Variants in CRB1 observed in about 807,000 individuals in gnomAD.
CRB1 encodes crumbs cell polarity complex component 1.
A neutral mutation model predicts 120.0 loss-of-function variants in CRB1; 83 were observed. The ratio of observed to expected loss-of-function variants is 0.69; its 90% CI spans 0.58 to 0.83. The LOEUF (loss-of-function observed/expected upper bound fraction) is 0.83, where lower values mean the gene tolerates loss of function less well. CRB1 is among the 40% of genes least tolerant of loss of function. The pLI is 0.00. For synonymous variants in CRB1, 625 were observed against 612.5 expected, an observed-to-expected ratio of 1.02 and a Z score of -0.30; for missense variants, 1,699 against 1,687.6, an observed-to-expected ratio of 1.01 and a Z score of -0.12.
At chr1:197,468,948 A>C (rs1011447325) in intron 11 of CRB1, among the ~76,000 whole-genome samples, 1 of 152,224 alleles carries the variant, frequency 6.6e-6, no homozygotes, top group African/African-American at 2.4e-5. Context: ...TTCCTGTTTG[A>C]AAAGTGGCAG....
intron 5 of CRB1, among the ~76,000 whole-genome samples, chr1:197,381,587 A>G (rs1369627673): frequency 6.6e-6 from 1 of 152,216 alleles, no homozygotes; most frequent in Non-Finnish European, 1.5e-5. Flanking sequence ...CTTTGTAGTA[A>G]ATTCTCTCAC....
At chr1:197,384,240 T>A (rs1310723055) in intron 5 of CRB1, among the ~76,000 whole-genome samples, 2 of 152,106 alleles carry the variant, frequency 1.3e-5, no homozygotes, top group Non-Finnish European at 2.9e-5. Flanking sequence ...ATGGAGAAGT[T>A]CAATAACTTA....
chr1:197,428,854 AG>A, intron 7 of CRB1: 2 of 990,116 alleles, frequency 2.0e-6, no homozygotes, highest in Non-Finnish European at 2.9e-6. Context: ...TGTTAATAGT[AG>A]ACCCAGGACA....
intron 4 of CRB1, among the ~76,000 whole-genome samples, chr1:197,353,810 T>TTAA (rs1660248010): frequency 1.6e-5 from 1 of 64,454 alleles, no homozygotes; most frequent in African/African-American, 4.9e-5. Flanking sequence ...CAAAAATATA[T>TTAA]AAATAAAAAA....
rs201700675 is a variant in CRB1 at position 197,427,597 on chromosome 1, A to G, written c.2272A>G (p.Ser758Gly). Residue 758 changes from serine (S) to glycine (G), a missense_variant, in exon 7 of 12, where the codon AGC (serine) becomes GGC (glycine). Physicochemically the swap from Ser to Gly is moderately conservative, Grantham distance 56 (BLOSUM62 0). Transcript: ENST00000367400. ...PSGLLLALENSTYQYIRVWLE... is the reference protein window; with the variant it reads ...PSGLLLALENGTYQYIRVWLE... ...AGGCTTACTTCTAGCTTTGGAAAAC[A>G]GCACTTATCAATATATCCGTGTCTG... 2.5e-6 allele frequency: 4 copies of G among 1,614,048 alleles called. No homozygotes were observed. The East Asian group carries it at 6.7e-5, about 27-fold the overall frequency.
chr1:197,469,587 T>C (rs1188301322), intron 11 of CRB1, among the ~76,000 whole-genome samples: 2 of 152,134 alleles, frequency 1.3e-5, no homozygotes, highest in Non-Finnish European at 2.9e-5. Context: ...TCTGAATCTT[T>C]AGTTAGCAAC....
At chr1:197,454,320 T>C (rs1187344796) in intron 11 of CRB1, among the ~76,000 whole-genome samples, 1 of 152,030 alleles carries the variant, frequency 6.6e-6, no homozygotes, top group Non-Finnish European at 1.5e-5. Flanking sequence ...GGAGGAAAAA[T>C]AAATAAAATA....
chr1:197,236,195 C>CTTTTTTT, the CRB1 span, among the ~76,000 whole-genome samples: 4 of 113,046 alleles, frequency 3.5e-5, 1 homozygote, highest in East Asian at 2.8e-4. Flanking sequence ...CTTTTATTTC[C>CTTTTTTT]TTTTTTTTTT....
At chr1:197,368,057 G>C (rs1458923281) in intron 5 of CRB1, among the ~76,000 whole-genome samples, 1 of 152,138 alleles carries the variant, frequency 6.6e-6, no homozygotes, top group Non-Finnish European at 1.5e-5. Flanking sequence ...AATAGCCATA[G>C]AGGGCCAAGC....
chr1:197,419,542 T>C (rs1215749311), intron 5 of CRB1, among the ~76,000 whole-genome samples: 1 of 152,060 alleles, frequency 6.6e-6, no homozygotes, highest in Non-Finnish European at 1.5e-5. Flanking sequence ...TTTGTATTTT[T>C]AGTAAAGATA....
In CRB1 at chr1:197,435,379, A is replaced by G. The variant is rs1444844502; in HGVS notation, c.3516A>G (p.Lys1172=). The stretch of plus-strand genomic sequence containing the variant: ...CCTGTCCCTTGGGATGGTCAGGGAA[A>G]CACTGTGAACTCAACATCGATGAAT... The part of the protein sequence containing the change: ...HCSCPLGWSG[K]HCELNIDECF... The change falls in exon 9 of 12, where the codon AAA becomes AAG. Residue 1172 remains lysine, a synonymous_variant. Coordinates refer to ENST00000367400, the MANE Select transcript of CRB1 (RefSeq NM_201253.3). The G allele has an allele frequency of 6.2e-7, 1 of 1,610,220 alleles. No homozygotes were observed. The highest frequency in any genetic ancestry group is 1.3e-5 in the African/African-American group (1 of 74,712).
At chr1:197,416,488 T>C (rs2125459789) in intron 5 of CRB1, among the ~76,000 whole-genome samples, 1 of 152,262 alleles carries the variant, frequency 6.6e-6, no homozygotes, top group African/African-American at 2.4e-5. Flanking sequence ...CTACGTCTTC[T>C]AGTTTGTAGT....
At chr1:197,351,635 A>T (rs1219051303) in intron 4 of CRB1, among the ~76,000 whole-genome samples, 2 of 152,154 alleles carry the variant, frequency 1.3e-5, no homozygotes, top group Admixed American at 1.3e-4. Flanking sequence ...AATAACACTA[A>T]AGGCAGGGAA....
At chr1:197,323,463 C>T (rs1658318532) in intron 1 of CRB1, among the ~76,000 whole-genome samples, 1 of 152,016 alleles carries the variant, frequency 6.6e-6, no homozygotes, top group African/African-American at 2.4e-5. Flanking sequence ...TTTCAATTTG[C>T]TAGAGGCAAA....
At chr1:197,430,458 C>A (rs1350027424) in intron 8 of CRB1, among the ~76,000 whole-genome samples, 1 of 152,134 alleles carries the variant, frequency 6.6e-6, no homozygotes, top group East Asian at 1.9e-4. Context: ...CAGTTACCAT[C>A]CCATTTCTCT....
chr1:197,421,640 A>G lies in CRB1; in HGVS notation c.1812A>G (p.Ser604=), dbSNP rs2125471031. 6.2e-7 allele frequency: 1 copy of G among 1,614,216 alleles called. No homozygotes were observed. Among genetic ancestry groups the G allele is most frequent in the Non-Finnish European group, 8.5e-7 (1 of 1,180,040 alleles). ...CTACTCCACTTGAAAGTGATCAATCAATATGTGCTTTTCAGAACTCCTTTT... is the reference window on the plus strand; with the variant it reads ...CTACTCCACTTGAAAGTGATCAATCGATATGTGCTTTTCAGAACTCCTTTT... ...KAPTPLESDQ[S]ICAFQNSFLG... Residue 604 remains serine (S), a synonymous_variant, in exon 6 of 12, where the codon TCA becomes TCG. Transcript: ENST00000367400.
intron 5 of CRB1, among the ~76,000 whole-genome samples, chr1:197,407,619 T>C (rs904574801): frequency 7.9e-5 from 12 of 152,308 alleles, no homozygotes; most frequent in Admixed American, 7.2e-4. Context: ...TTACCTGGTA[T>C]GCTCATAAAA....
intron 7 of CRB1, 146 bp downstream of exon 7, chr1:197,428,147 C>T (rs758064619): frequency 5.8e-5 from 44 of 759,922 alleles, no homozygotes; most frequent in Non-Finnish European, 8.8e-5. Context: ...TATATTGTTC[C>T]AACAAGACTG....
chr1:197,450,733 G>C (rs1400904008), intron 11 of CRB1, among the ~76,000 whole-genome samples: 4 of 137,694 alleles, frequency 2.9e-5, no homozygotes, highest in African/African-American at 1.1e-4. Flanking sequence ...GAGGTCAAGA[G>C]ATCGAGACCA....
Sources: gnomAD v4.1 joint callset for allele counts (sites outside exome capture counted in the v4.1 genomes callset) on GRCh38, gnomAD v4.1.1 for gene constraint, MANE v1.5 for transcripts, NCBI Gene and HGNC (gene_info 2026-07-23, HGNC 2026-07-21) for gene names.